CDH18: variants seen among roughly 807,000 people sequenced by gnomAD.
The protein encoded by CDH18 is cadherin-18.
Under a neutral mutation model 67.9 loss-of-function variants are expected in CDH18, and 31 were observed. The ratio of observed to expected loss-of-function variants is 0.46; its 90% confidence interval spans 0.34 to 0.62. CDH18 has a LOEUF of 0.62. Among genes scored for constraint, CDH18 ranks in the 20% least tolerant of loss-of-function variants. CDH18 has a pLI of 0.01. For synonymous variants in CDH18, 362 were observed against 347.2 expected, an observed-to-expected ratio of 1.04 and a Z score of -0.48; for missense variants, 890 against 975.5, an observed-to-expected ratio of 0.91 and a Z score of 1.17.
chr5:19,597,775 C>G (rs1055628749), intron 6 of CDH18, among the ~76,000 whole-genome samples: 1 of 152,082 alleles, frequency 6.6e-6, no homozygotes, highest in African/African-American at 2.4e-5. Flanking sequence ...GCTCATCTTC[C>G]CAGAACCATG....
At chr5:19,495,661 G>A (rs1407142882) in intron 11 of CDH18, among the ~76,000 whole-genome samples, 6 of 130,630 alleles carry the variant, frequency 4.6e-5, no homozygotes, top group Admixed American at 2.9e-4. Flanking sequence ...TGAGGTTGCC[G>A]AAAGCCGAGA....
At chr5:19,959,650 G>A (rs1259917138) in intron 2 of CDH18, among the ~76,000 whole-genome samples, 1 of 152,018 alleles carries the variant, frequency 6.6e-6, no homozygotes, top group Non-Finnish European at 1.5e-5. Flanking sequence ...CATATTGAGT[G>A]CTGTATCTTG....
At chr5:19,942,451 C>A (rs1218245172) in intron 2 of CDH18, among the ~76,000 whole-genome samples, 1 of 152,096 alleles carries the variant, frequency 6.6e-6, no homozygotes, top group Non-Finnish European at 1.5e-5. Context: ...ATAAAATATC[C>A]TTTTGCTTTT....
At chr5:20,453,810 A>G (rs999842909) in intron 1 of CDH18, among the ~76,000 whole-genome samples, 5 of 152,092 alleles carry the variant, frequency 3.3e-5, no homozygotes, top group Non-Finnish European at 5.9e-5. Context: ...AACTTACTCA[A>G]TTAAAAAGTA....
At chr5:20,270,041 T>C (rs986220644) in intron 1 of CDH18, among the ~76,000 whole-genome samples, 3 of 152,032 alleles carry the variant, frequency 2.0e-5, no homozygotes, top group African/African-American at 7.2e-5. Context: ...CATATCCCAG[T>C]TGTGAATCAT....
intron 5 of CDH18, among the ~76,000 whole-genome samples, chr5:19,672,210 G>C (rs898349437): frequency 2.0e-5 from 3 of 152,070 alleles, no homozygotes; most frequent in African/African-American, 7.2e-5. Context: ...GCATCCCCTA[G>C]TTATAAGAGG....
At chr5:20,136,622 C>A (rs1352616851) in intron 2 of CDH18, among the ~76,000 whole-genome samples, 1 of 152,054 alleles carries the variant, frequency 6.6e-6, no homozygotes, top group Non-Finnish European at 1.5e-5. Context: ...TGAATTTGAT[C>A]CTTTCATTAT....
intron 3 of CDH18, among the ~76,000 whole-genome samples, chr5:19,810,606 TTTGA>T (rs1299776630): frequency 3.3e-5 from 5 of 151,944 alleles, no homozygotes; most frequent in Non-Finnish European, 7.4e-5. Context: ...AGTAAATATA[TTTGA>T]TTAAGTAATT....
chr5:19,994,893 T>C lies in CDH18; in HGVS notation c.-517-2879A>G, dbSNP rs114910096. Among the ~76,000 whole-genome samples, 580 of 125,156 alleles carry C rather than the reference T, an allele frequency of 4.6e-3. 13 individuals are homozygous for C. The highest frequency in any genetic ancestry group is 0.018 in the African/African-American group (548 of 30,390). 82.1% of individuals were successfully genotyped at this position (125,156 alleles called of 152,430 possible). A position where few individuals can be genotyped will look rare whatever the true frequency, so the allele number is the denominator to read the frequency against. On this transcript the variant is annotated intron_variant, in intron 2 of 14. Transcript: ENST00000507958. The stretch of plus-strand genomic sequence containing the variant: ...AGAGAGAGAGATGTAGAAAAAGATA[T>C]ATAGAGAAAAAGCTCATGCAATTAC...
chr5:20,438,945 G>C (rs1749387493), intron 1 of CDH18, among the ~76,000 whole-genome samples: 1 of 151,454 alleles, frequency 6.6e-6, no homozygotes, highest in Non-Finnish European at 1.5e-5. Flanking sequence ...ATACACATAA[G>C]TTCCATGCCT....
chr5:20,119,853 C>T (rs538446440), intron 2 of CDH18, among the ~76,000 whole-genome samples: 18 of 151,924 alleles, frequency 1.2e-4, no homozygotes, highest in African/African-American at 3.6e-4. Context: ...TATAACATAA[C>T]AACAGCATCT....
chr5:19,621,021 A>G (rs1354791374), intron 5 of CDH18, among the ~76,000 whole-genome samples: 1 of 152,156 alleles, frequency 6.6e-6, no homozygotes, highest in Admixed American at 6.6e-5. Context: ...TGGGTAAGAG[A>G]CTATCTAAAT....
intron 1 of CDH18, among the ~76,000 whole-genome samples, chr5:20,486,618 T>A (rs73764418): frequency 0.035 from 5,226 of 150,880 alleles, 295 homozygotes; most frequent in African/African-American, 0.12. Flanking sequence ...CATGTTTTTA[T>A]TAACATGAGG....
intron 1 of CDH18, among the ~76,000 whole-genome samples, chr5:20,433,924 C>T (rs1034805863): frequency 3.9e-5 from 6 of 151,916 alleles, no homozygotes; most frequent in South Asian, 2.1e-4. Context: ...GTAAAGAAAA[C>T]GCGTCATAAA....
intron 2 of CDH18, among the ~76,000 whole-genome samples, chr5:19,860,774 G>C (rs911364859): frequency 1.3e-5 from 2 of 151,880 alleles, no homozygotes; most frequent in Non-Finnish European, 1.5e-5. Flanking sequence ...TGCGGAAAGA[G>C]ATACTGAAAA....
intron 2 of CDH18, among the ~76,000 whole-genome samples, chr5:20,149,080 T>C (rs1750898048): frequency 6.6e-6 from 1 of 152,188 alleles, no homozygotes. Flanking sequence ...ACATTCTGTA[T>C]ATGACCTCTT....
chr5:20,430,748 T>C (rs1459676642), intron 1 of CDH18, among the ~76,000 whole-genome samples: 2 of 152,286 alleles, frequency 1.3e-5, no homozygotes, highest in East Asian at 1.9e-4. Flanking sequence ...AAAATATAAA[T>C]GGAGATTCTC....
Position 20,505,308 on chromosome 5 carries a change from G to A in CDH18, c.-580+70154C>T, listed in dbSNP as rs191537360. 7.9e-5 allele frequency among the ~76,000 whole-genome samples: 12 copies of A among 152,140 alleles called. 1 individual carries two copies. In the East Asian group the frequency reaches 2.3e-3, roughly 29 times the overall value. ...AGAAGTTTTAGAAAGATTTGTGTGA[G>A]GAATATTTATGAAAAAGTTAGAAAG... On this transcript the variant is annotated intron_variant, in intron 1 of 14. Transcript: ENST00000507958.
intron 8 of CDH18, among the ~76,000 whole-genome samples, chr5:19,552,531 T>A (rs1737644031): frequency 6.6e-6 from 1 of 152,176 alleles, no homozygotes; most frequent in African/African-American, 2.4e-5. Flanking sequence ...CAACGGCTAC[T>A]CTTATAATTG....
Sources: gnomAD v4.1 joint callset for allele counts (sites outside exome capture counted in the v4.1 genomes callset) on GRCh38, gnomAD v4.1.1 for gene constraint, MANE v1.5 for transcripts, NCBI Gene and HGNC (gene_info 2026-07-23, HGNC 2026-07-21) for gene names.